BCAT1: variants seen among roughly 807,000 people sequenced by gnomAD.
BCAT1 encodes branched-chain-amino-acid aminotransferase, cytosolic.
A neutral mutation model predicts 52.4 loss-of-function variants in BCAT1; 48 were observed. The ratio of observed to expected loss-of-function variants is 0.92; its 90% CI spans 0.73 to 1.16. BCAT1 has a LOEUF of 1.16. Among genes scored for constraint, BCAT1 ranks in the 50% most tolerant of loss-of-function variants. The pLI is 0.00. For missense variants in BCAT1, 451 were observed against 457.1 expected (o/e 0.99, Z 0.12); for synonymous variants, 167 against 161.3 (o/e 1.04, Z -0.27).
intron 4 of BCAT1, among the ~76,000 whole-genome samples, chr12:24,878,983 G>A (rs1444395224): frequency 2.0e-5 from 3 of 152,020 alleles, no homozygotes; most frequent in Admixed American, 2.0e-4. Context: ...ATGGGATGAC[G>A]AGCTATCCAC....
chr12:24,909,118 T>C (rs936262317), intron 1 of BCAT1, among the ~76,000 whole-genome samples: 77 of 152,316 alleles, frequency 5.1e-4, no homozygotes, highest in African/African-American at 1.8e-3. Context: ...TAGGATATTA[T>C]GTGAGAGAAA....
At chr12:24,825,962 A>C (rs1027623741) in intron 10 of BCAT1, among the ~76,000 whole-genome samples, 6 of 152,184 alleles carry the variant, frequency 3.9e-5, no homozygotes, top group African/African-American at 1.4e-4. Context: ...TAGTAATCTC[A>C]GCACTTTGGG....
At chr12:24,919,795 A>T (rs1414875781) in intron 1 of BCAT1, among the ~76,000 whole-genome samples, 1 of 152,238 alleles carries the variant, frequency 6.6e-6, no homozygotes, top group Non-Finnish European at 1.5e-5. Context: ...ACCCAATGGA[A>T]GATAACTGAA....
In BCAT1 at chr12:24,924,085, G is replaced by A. The variant is rs12319283; in HGVS notation, c.7-22200C>T. On this transcript the variant is annotated intron_variant, in intron 1 of 10. Transcript: ENST00000261192. Reference sequence around the variant, plus strand: ...GATTATGTCGATAATATACATTCTCGTTTCCTCCCTTTTTTTCCCCTCAGC... The same window carrying A: ...GATTATGTCGATAATATACATTCTCATTTCCTCCCTTTTTTTCCCCTCAGC... Among the ~76,000 whole-genome samples the A allele has an allele frequency of 6.5e-3, 964 of 148,102 alleles. 8 individuals carry two copies. The highest frequency in any genetic ancestry group is 0.022 in the African/African-American group (929 of 41,400).
chr12:24,902,980 G>A lies in BCAT1; in HGVS notation c.7-1095C>T, dbSNP rs768033209. On this transcript the variant is annotated intron_variant, in intron 1 of 10. Transcript: ENST00000261192. ...CAAGGGCCGCAGCGGAGCGAAGCGG[G>A]CTGGCCATGGGGAGGCTGCGGGGAC... The A allele has an allele frequency of 1.3e-5, 20 of 1,490,690 alleles. No homozygotes were observed. The African/African-American group carries it at 2.8e-4, about 21-fold the overall frequency. The allele number at this position is 1,490,690 out of a possible 1,614,324, so 92.3% of individuals were successfully genotyped here. A position where few individuals can be genotyped will look rare whatever the true frequency, so the allele number is the denominator to read the frequency against.
rs765830271 is a variant in BCAT1, at chr12:24,842,062, G to A, written c.817+20C>T. On this transcript the variant is annotated intron_variant, in intron 7 of 10. Coordinates refer to ENST00000261192, the MANE Select transcript of BCAT1 (RefSeq NM_005504.7). ...TGAAAATGACTGAGAAATGCACACA[G>A]TGAAATCTGAGTGGATTACCTCCAT... 1.2e-6 allele frequency: 2 copies of A among 1,611,146 alleles called. No individual in the cohort carries two copies. The highest frequency in any genetic ancestry group is 2.2e-5 in the South Asian group (2 of 90,956).
chr12:24,849,514 A>G (rs1941440581), intron 6 of BCAT1, among the ~76,000 whole-genome samples: 1 of 152,248 alleles, frequency 6.6e-6, no homozygotes, highest in South Asian at 2.1e-4. Context: ...TCTTCCCTAG[A>G]TATCATATCC....
intron 5 of BCAT1, among the ~76,000 whole-genome samples, chr12:24,862,218 C>G (rs1465702775): frequency 6.6e-6 from 1 of 152,242 alleles, no homozygotes; most frequent in East Asian, 1.9e-4. Flanking sequence ...TTTGATCTTA[C>G]TCTGTGGACT....
At chr12:24,938,338 G>A (rs1943797367) in intron 1 of BCAT1, among the ~76,000 whole-genome samples, 1 of 152,204 alleles carries the variant, frequency 6.6e-6, no homozygotes, top group Non-Finnish European at 1.5e-5. Flanking sequence ...AAGACCAGGA[G>A]GAGCAGGAAA....
chr12:24,889,437 T>C (rs922982006), intron 3 of BCAT1, among the ~76,000 whole-genome samples: 3 of 152,252 alleles, frequency 2.0e-5, no homozygotes, highest in Admixed American at 6.5e-5. Context: ...CAGTCCCCCA[T>C]GCTCTTCCAG....
intron 1 of BCAT1, among the ~76,000 whole-genome samples, chr12:24,924,148 C>T (rs760420757): frequency 1.2e-4 from 19 of 152,044 alleles, no homozygotes; most frequent in Non-Finnish European, 2.5e-4. Context: ...GTGAGAAGAC[C>T]ATAAATTACC....
intron 7 of BCAT1, among the ~76,000 whole-genome samples, chr12:24,838,288 A>G (rs141808032): frequency 2.9e-4 from 44 of 152,356 alleles, no homozygotes; most frequent in African/African-American, 1.1e-3. Flanking sequence ...CGAATAAGTT[A>G]TCTTTGCTAG....
chr12:24,866,039 C>T (rs1344424857), intron 5 of BCAT1, among the ~76,000 whole-genome samples: 3 of 152,206 alleles, frequency 2.0e-5, no homozygotes, highest in Non-Finnish European at 4.4e-5. Flanking sequence ...TGGCCAAGGC[C>T]GGAGCTGGCT....
At chr12:24,910,973 G>A (rs911039048) in intron 1 of BCAT1, among the ~76,000 whole-genome samples, 4 of 152,122 alleles carry the variant, frequency 2.6e-5, no homozygotes, top group South Asian at 4.2e-4. Flanking sequence ...GCATGGTGGC[G>A]AGTGCCTGTA....
chr12:24,858,160 A>C (rs1941746139), intron 5 of BCAT1, among the ~76,000 whole-genome samples: 1 of 152,240 alleles, frequency 6.6e-6, no homozygotes, highest in Non-Finnish European at 1.5e-5. Context: ...TGAAGCCAGT[A>C]ATCCAATTAA....
In BCAT1 at chr12:24,811,222, TTC is replaced by T. The variant is rs1939667975; in HGVS notation, c.*6784_*6785del. 1 of 152,202 alleles carries T rather than the reference TTC, an allele frequency of 6.6e-6. No homozygotes were observed. Among genetic ancestry groups the T allele is most frequent in the Non-Finnish European group, 1.5e-5 (1 of 68,016 alleles). The allele number at this position is 152,202 out of a possible 1,614,324, so 9.4% of individuals were successfully genotyped here. On this transcript the variant is annotated 3_prime_UTR_variant, in exon 11 of 11. Coordinates refer to ENST00000261192, the MANE Select transcript of BCAT1 (RefSeq NM_005504.7). ...TTTCTGGTCTTTCTGGTGTGCTCAA[TTC>T]TCTCTGTGTCATTTTGGTGTAAAAA...
chr12:24,842,417 A>G (rs1371090114), intron 6 of BCAT1, among the ~76,000 whole-genome samples, 193 bp from the exon 7 acceptor site: 1 of 152,250 alleles, frequency 6.6e-6, no homozygotes, highest in Non-Finnish European at 1.5e-5. Context: ...AAGTGATTTA[A>G]CTGCATTCAT....
At chr12:24,818,864 T>C (rs1462497904) in intron 10 of BCAT1, among the ~76,000 whole-genome samples, 1 of 152,194 alleles carries the variant, frequency 6.6e-6, no homozygotes, top group Non-Finnish European at 1.5e-5. Flanking sequence ...TAGTTCTATA[T>C]TCATTCATTC....
At chr12:24,821,145 C>T (rs1940108202) in intron 10 of BCAT1, among the ~76,000 whole-genome samples, 1 of 152,166 alleles carries the variant, frequency 6.6e-6, no homozygotes, top group South Asian at 2.1e-4. Flanking sequence ...GAGCCTTTAA[C>T]TTCTTATGTA....
Sources: allele counts gnomAD v4.1 joint callset (sites outside exome capture counted in the v4.1 genomes callset), GRCh38; gene constraint gnomAD v4.1.1; transcripts MANE v1.5; gene names NCBI Gene and HGNC (gene_info 2026-07-23, HGNC 2026-07-21).